Variants in HELZ observed in about 807,000 individuals in gnomAD.
HELZ encodes helicase with zinc finger, also known as ATP-dependent RNA helicase with zinc finger domain.
HELZ carries 23 observed loss-of-function variants against 218.2 expected under a neutral mutation model. The ratio of observed to expected loss-of-function variants is 0.11; its 90% confidence interval spans 0.08 to 0.15. The LOEUF is 0.15. Among genes scored for constraint, HELZ ranks in the 10% least tolerant of loss-of-function variants. The probability of loss-of-function intolerance (pLI) is 1.00; values close to 1 mark genes in which losing one functional copy is unlikely to be tolerated. For synonymous variants in HELZ, 814 were observed against 829.4 expected (o/e 0.98, Z 0.32); for missense variants, 1,813 against 2,353.7 (o/e 0.77, Z 4.75).
rs528291448 is a variant in HELZ, at chr17:67,134,116, G to A, written c.3182+1854C>T. Among the ~76,000 whole-genome samples the A allele has an allele frequency of 2.0e-5, 3 of 152,204 alleles. No individual in the cohort carries two copies. The South Asian group carries it at 6.2e-4, about 32-fold the overall frequency. ...AAGGTATTCTCGACTAGGCGCGGTG[G>A]CTCACGCCTGTAATCCTAGCAATTT... is the stretch of plus-strand genomic sequence containing the variant. On this transcript the variant is annotated intron_variant, in intron 23 of 32. Coordinates refer to ENST00000358691, the MANE Select transcript of HELZ (RefSeq NM_014877.4).
At chr17:67,217,870 G>A (rs192038613) in intron 4 of HELZ, among the ~76,000 whole-genome samples, 4 of 150,188 alleles carry the variant, frequency 2.7e-5, no homozygotes, top group African/African-American at 7.3e-5. Context: ...CTTTTTTCAT[G>A]CGGTTACTAC....
At chr17:67,152,137 C>G (rs2038703552) in intron 17 of HELZ, among the ~76,000 whole-genome samples, 1 of 152,174 alleles carries the variant, frequency 6.6e-6, no homozygotes, top group South Asian at 2.1e-4. Flanking sequence ...TATTTTAACA[C>G]CCGGCTCCAG....
At chr17:67,217,038 C>G (rs1050251795) in intron 4 of HELZ, among the ~76,000 whole-genome samples, 1 of 152,164 alleles carries the variant, frequency 6.6e-6, no homozygotes, top group South Asian at 2.1e-4. Context: ...TATAGCACTT[C>G]TATCCCACAG....
chr17:67,242,434 A>C lies in HELZ; in HGVS notation c.-76+1350T>G, dbSNP rs1027722195. On this transcript the variant is annotated intron_variant, in intron 2 of 32. Transcript: ENST00000358691. ...TCTCAAAAAAAAAAAAAAAGAAAAA[A>C]AATCTATCTATCTATATACATAGAT... 1.3e-5 allele frequency among the ~76,000 whole-genome samples: 2 copies of C among 149,682 alleles called. 1 individual carries two copies. Among genetic ancestry groups the C allele is most frequent in the African/African-American group, 5.0e-5 (2 of 39,672 alleles).
At chr17:67,176,505 T>C (rs1450596546) in intron 13 of HELZ, 1 of 152,178 alleles carries the variant, frequency 6.6e-6, no homozygotes, top group Non-Finnish European at 1.5e-5. Flanking sequence ...AAACTTAAGG[T>C]CCTGGATACA....
chr17:67,193,272 G>T (rs1359924563), intron 9 of HELZ, among the ~76,000 whole-genome samples: 1 of 150,978 alleles, frequency 6.6e-6, no homozygotes, highest in East Asian at 2.0e-4. Context: ...TTGAGCCTGG[G>T]AGGCAGAGAT....
intron 32 of HELZ, among the ~76,000 whole-genome samples, chr17:67,086,379 G>C (rs893262240): frequency 3.3e-5 from 5 of 151,696 alleles, no homozygotes; most frequent in Non-Finnish European, 7.4e-5. Context: ...GAGGTCAGGA[G>C]TTCGAAACCA....
intron 3 of HELZ, among the ~76,000 whole-genome samples, chr17:67,237,293 A>T (rs1233293150): frequency 2.0e-5 from 3 of 152,162 alleles, no homozygotes; most frequent in Non-Finnish European, 4.4e-5. Context: ...TCGAAAAAAA[A>T]CAATTTTTTT....
intron 31 of HELZ, among the ~76,000 whole-genome samples, chr17:67,098,233 A>C (rs549676682): frequency 1.3e-5 from 2 of 152,326 alleles, no homozygotes; most frequent in Non-Finnish European, 2.9e-5. Context: ...CTTCAGAAAC[A>C]GCATGGGACT....
At chr17:67,110,971 G>A (rs771864343) in intron 28 of HELZ, among the ~76,000 whole-genome samples, 1 of 152,168 alleles carries the variant, frequency 6.6e-6, no homozygotes, top group African/African-American at 2.4e-5. Flanking sequence ...CATGACATTC[G>A]AGTTGAATCT....
chr17:67,132,357 A>T (rs1344832847), intron 23 of HELZ, among the ~76,000 whole-genome samples: 8 of 152,162 alleles, frequency 5.3e-5, no homozygotes, highest in Admixed American at 4.6e-4. Flanking sequence ...CCTTCTCCAA[A>T]CGCCTTGGTT....
chr17:67,167,641 G>T lies in HELZ; in HGVS notation c.1586C>A (p.Thr529Asn). ...EDTLAGRLVMTKVNAVYLLPV... is the reference protein window; with the variant it reads ...EDTLAGRLVMNKVNAVYLLPV... ...TAATAAATAAACAGCATTGACTTTG[G>T]TCATCACCAGTCGTCCAGCCAAAGT... The change falls in exon 14 of 33, where the codon ACC becomes AAC. Residue 529 changes from threonine to asparagine, a missense_variant. Physicochemically the swap from Thr to Asn is moderately conservative, Grantham distance 65. This residue lies in a region of HELZ where 714 missense variants were observed against 1,029.2 expected (regional missense o/e 0.69). Coordinates refer to ENST00000358691, the MANE Select transcript of HELZ (RefSeq NM_014877.4). 1.2e-6 allele frequency: 2 copies of T among 1,614,010 alleles called. No individual in the cohort carries two copies. Among genetic ancestry groups the T allele is most frequent in the Non-Finnish European group, 1.7e-6 (2 of 1,179,996 alleles).
chr17:67,085,957 T>C (rs1350007254), intron 32 of HELZ, among the ~76,000 whole-genome samples: 1 of 152,202 alleles, frequency 6.6e-6, no homozygotes, highest in Non-Finnish European at 1.5e-5. Flanking sequence ...TTTTTAGCCA[T>C]GAAGTTCTAC....
At chr17:67,244,840 TC>T in intron 1 of HELZ, 1 of 985,216 alleles carries the variant, frequency 1.0e-6, no homozygotes, top group Non-Finnish European at 1.2e-6. Flanking sequence ...CGGAGAAACC[TC>T]CCGCAGGCTC....
intron 13 of HELZ, among the ~76,000 whole-genome samples, chr17:67,168,176 G>A (rs1035870888): frequency 6.6e-6 from 1 of 151,894 alleles, no homozygotes; most frequent in Non-Finnish European, 1.5e-5. Flanking sequence ...ACAGAGTTTT[G>A]ACATGTTGGC....
In HELZ at chr17:67,109,581, T is replaced by A. The variant is rs758400884; in HGVS notation, c.4024A>T (p.Ile1342Leu). 6.2e-7 allele frequency: 1 copy of A among 1,614,228 alleles called. No homozygotes were observed. Reference sequence around the variant, plus strand: ...TGGGGAGCAGGAAGGGGAAGATTTATGTGTCTTGGGTTGAGATTATCTTTG... The same window carrying A: ...TGGGGAGCAGGAAGGGGAAGATTTAAGTGTCTTGGGTTGAGATTATCTTTG... The part of the protein sequence containing the change: ...PRKDNLNPRH[I>L]NLPLPAPHAQ... The change falls in exon 29 of 33, where the codon ATA becomes TTA. Residue 1342 changes from isoleucine (I) to leucine (L), a missense_variant. Ile to Leu is a conservative substitution (Grantham distance 5). Transcript: ENST00000358691.
intron 3 of HELZ, among the ~76,000 whole-genome samples, chr17:67,222,324 C>G (rs1264928765): frequency 1.3e-5 from 2 of 152,196 alleles, no homozygotes; most frequent in East Asian, 3.8e-4. Context: ...CTGCAAGTCA[C>G]TGACAAGGAC....
rs1044258857 is a variant in HELZ, at chr17:67,218,003, C to T, written c.210+592G>A. ...AGGCTGGAGGGCAGTGGTGCAACCT[C>T]GGCTCCCTGCAACCTCTGCCTCCTG... On this transcript the variant is annotated intron_variant, in intron 4 of 32. Coordinates refer to ENST00000358691, the MANE Select transcript of HELZ (RefSeq NM_014877.4). Among the ~76,000 whole-genome samples the T allele has an allele frequency of 2.0e-5, 3 of 151,154 alleles. 1 individual carries two copies. Among genetic ancestry groups the T allele is most frequent in the African/African-American group, 7.3e-5 (3 of 41,086 alleles).
intron 31 of HELZ, among the ~76,000 whole-genome samples, chr17:67,106,773 A>G (rs910165852): frequency 1.3e-5 from 2 of 152,228 alleles, no homozygotes; most frequent in Non-Finnish European, 2.9e-5. Context: ...CAGCACTTGG[A>G]GCTGGCACTG....
Sources: allele counts gnomAD v4.1 joint callset (sites outside exome capture counted in the v4.1 genomes callset), GRCh38; gene constraint gnomAD v4.1.1; regional missense constraint gnomAD v4.1.1; transcripts MANE v1.5; gene names NCBI Gene and HGNC (gene_info 2026-07-23, HGNC 2026-07-21).